Variants in ZFAND3 observed in about 807,000 individuals in gnomAD.
ZFAND3 encodes the protein zinc finger AN1-type containing 3, also known as AN1-type zinc finger protein 3.
ZFAND3 carries 10 observed loss-of-function variants against 29.6 expected under a neutral mutation model. The ratio of observed to expected loss-of-function variants is 0.34; its 90% CI spans 0.21 to 0.57. ZFAND3 has a LOEUF of 0.57. Ranked by LOEUF, ZFAND3 falls within the 20% of genes least tolerant of loss-of-function variation. ZFAND3 has a pLI of 0.86. For missense variants in ZFAND3, 230 were observed against 304.5 expected (o/e 0.76, Z 1.82); for synonymous variants, 128 against 112.6 (o/e 1.14, Z -0.87).
chr6:37,861,580 A>T (rs1268550903), intron 1 of ZFAND3, among the ~76,000 whole-genome samples: 1 of 152,222 alleles, frequency 6.6e-6, no homozygotes, highest in Non-Finnish European at 1.5e-5. Flanking sequence ...GAGTGTCTAC[A>T]TTTCACAGGT....
At chr6:38,077,117 CTTTT>C (rs531841469) in intron 3 of ZFAND3, among the ~76,000 whole-genome samples, 2 of 139,522 alleles carry the variant, frequency 1.4e-5, no homozygotes, top group Admixed American at 1.4e-4. Context: ...TTATTTTGTC[CTTTT>C]TTTTTTTTTA....
intron 1 of ZFAND3, among the ~76,000 whole-genome samples, chr6:37,869,649 C>T (rs1193666509): frequency 6.6e-6 from 1 of 151,766 alleles, no homozygotes; most frequent in Non-Finnish European, 1.5e-5. Flanking sequence ...GCTGGGACTA[C>T]AGGCGCACAC....
intron 1 of ZFAND3, among the ~76,000 whole-genome samples, chr6:37,886,032 G>T (rs1232491950): frequency 6.6e-6 from 1 of 151,946 alleles, no homozygotes; most frequent in Non-Finnish European, 1.5e-5. Flanking sequence ...GAGGTCAGGA[G>T]TTCGAGACCA....
intron 2 of ZFAND3, among the ~76,000 whole-genome samples, chr6:38,012,441 C>T (rs573280926): frequency 4.1e-5 from 6 of 147,352 alleles, no homozygotes; most frequent in East Asian, 4.1e-4. Flanking sequence ...TGCAGTGGCG[C>T]GATCTTGGCT....
At chr6:37,842,044 AG>A (rs1203426206) in intron 1 of ZFAND3, among the ~76,000 whole-genome samples, 1 of 152,136 alleles carries the variant, frequency 6.6e-6, no homozygotes, top group African/African-American at 2.4e-5. Flanking sequence ...ATGTGGCGGA[AG>A]GGTCTAAGGT....
chr6:37,927,662 T>G (rs1262183295), intron 1 of ZFAND3, among the ~76,000 whole-genome samples: 1 of 152,246 alleles, frequency 6.6e-6, no homozygotes, highest in Non-Finnish European at 1.5e-5. Context: ...AATCTTGGGT[T>G]GTTTTCCTAT....
chr6:37,865,782 G>C (rs1764578954), intron 1 of ZFAND3, among the ~76,000 whole-genome samples: 1 of 152,152 alleles, frequency 6.6e-6, no homozygotes, highest in African/African-American at 2.4e-5. Context: ...ATGGAGAGCT[G>C]GGTTAAATAG....
intron 1 of ZFAND3, among the ~76,000 whole-genome samples, chr6:37,884,462 C>T (rs1487322813): frequency 4.6e-5 from 6 of 131,834 alleles, no homozygotes; most frequent in Admixed American, 3.0e-4. Context: ...CCATTGCACT[C>T]CAGCCTGGGC....
intron 2 of ZFAND3, among the ~76,000 whole-genome samples, chr6:37,958,189 C>T (rs966725570): frequency 3.3e-5 from 5 of 152,188 alleles, no homozygotes; most frequent in Non-Finnish European, 5.9e-5. Flanking sequence ...CATGATGGCT[C>T]ACGCCTGTAA....
Position 38,154,384 on chromosome 6 carries a change from G to T in ZFAND3, c.*1995G>T, listed in dbSNP as rs923825413. ...TCCTGACTTAGAGCTGGGGGGGGTG[G>T]GGGGTGGGGCTTGTTCCCCTGCAGT... On this transcript the variant is annotated 3_prime_UTR_variant, in exon 6 of 6. Transcript: ENST00000287218. 8 of 584,690 alleles carry T rather than the reference G, an allele frequency of 1.4e-5. No individual in the cohort carries two copies. In the Admixed American group the frequency reaches 3.9e-4, roughly 28 times the overall value. 36.2% of individuals were successfully genotyped at this position (584,690 alleles called of 1,614,324 possible). A position where few individuals can be genotyped will look rare whatever the true frequency, so the allele number is the denominator to read the frequency against.
At position 37,901,462 on chromosome 6, in the gene ZFAND3, A is replaced by G. The variant is rs546566194; in HGVS notation, c.72-28497A>G. 6.6e-5 allele frequency among the ~76,000 whole-genome samples: 10 copies of G among 152,252 alleles called. No homozygotes were observed. In the South Asian group the frequency reaches 8.3e-4, roughly 13 times the overall value. On this transcript the variant is annotated intron_variant, in intron 1 of 5. Transcript: ENST00000287218. ...AACCCTTCTCTTGAAAAATACAAAA[A>G]TTAGCGAGACGTGGTGGCACACACC...
intron 5 of ZFAND3, among the ~76,000 whole-genome samples, chr6:38,124,380 C>T (rs1470619921): frequency 6.6e-6 from 1 of 152,178 alleles, no homozygotes; most frequent in African/African-American, 2.4e-5. Context: ...GAGCAGGGGG[C>T]GGCGCTCCTA....
intron 2 of ZFAND3, among the ~76,000 whole-genome samples, chr6:37,977,245 A>G (rs755969221): frequency 3.9e-5 from 6 of 152,166 alleles, no homozygotes; most frequent in Non-Finnish European, 5.9e-5. Context: ...ACGTCGTATA[A>G]CTGTATTTCT....
chr6:37,851,278 C>T (rs138553361), intron 1 of ZFAND3, among the ~76,000 whole-genome samples: 1,772 of 152,026 alleles, frequency 0.012, 21 homozygotes, highest in Non-Finnish European at 0.02. Flanking sequence ...TGAGTCACCA[C>T]GCCCAGCCAT....
At chr6:38,065,106 G>A (rs557025911) in intron 3 of ZFAND3, among the ~76,000 whole-genome samples, 36 of 152,214 alleles carry the variant, frequency 2.4e-4, no homozygotes, top group Admixed American at 8.5e-4. Context: ...ATCACAAGGT[G>A]AAGAGATCAA....
intron 2 of ZFAND3, among the ~76,000 whole-genome samples, chr6:37,950,909 G>A (rs1346928585): frequency 1.3e-5 from 2 of 152,156 alleles, no homozygotes; most frequent in African/African-American, 4.8e-5. Flanking sequence ...TATGAAAAAT[G>A]TCTTTGTAGT....
At chr6:37,985,708 G>A (rs1581814885) in intron 2 of ZFAND3, among the ~76,000 whole-genome samples, 1 of 152,226 alleles carries the variant, frequency 6.6e-6, no homozygotes, top group Admixed American at 6.5e-5. Flanking sequence ...GTAAAGTTTA[G>A]GTTGGTGTTA....
chr6:38,105,614 G>A (rs568366042), intron 4 of ZFAND3, among the ~76,000 whole-genome samples: 7 of 152,240 alleles, frequency 4.6e-5, no homozygotes, highest in East Asian at 1.9e-4. Flanking sequence ...TCCTTGTGGC[G>A]ATGGGAATGT....
At chr6:37,883,232 A>T (rs1026136384) in intron 1 of ZFAND3, among the ~76,000 whole-genome samples, 3 of 152,152 alleles carry the variant, frequency 2.0e-5, no homozygotes, top group Non-Finnish European at 4.4e-5. Flanking sequence ...GTACAAAAAC[A>T]CAAACAAAAC....
Sources: gnomAD v4.1 joint callset for allele counts (sites outside exome capture counted in the v4.1 genomes callset) on GRCh38, gnomAD v4.1.1 for gene constraint, MANE v1.5 for transcripts, NCBI Gene and HGNC (gene_info 2026-07-23, HGNC 2026-07-21) for gene names.